The following AGAP1 variants were observed in gnomAD, a reference collection of about 807,000 sequenced individuals.
AGAP1 encodes the protein ArfGAP with GTPase domain, ankyrin repeat and PH domain 1, also known as arf-GAP with GTPase, ANK repeat and PH domain-containing protein 1.
A neutral mutation model predicts 105.3 loss-of-function variants in AGAP1; 29 were observed. The observed-to-expected ratio is 0.28, with a 90% confidence interval of 0.21 to 0.38. The LOEUF (loss-of-function observed/expected upper bound fraction) is 0.38, where lower values mean the gene tolerates loss of function less well. AGAP1 is among the 10% of genes least tolerant of loss of function. AGAP1 has a pLI of 1.00. For missense variants in AGAP1, 998 were observed against 1,165.1 expected (o/e 0.86, Z 2.09); for synonymous variants, 509 against 485.9 (o/e 1.05, Z -0.63).
In AGAP1 at chr2:236,105,588, C is replaced by G. The variant is rs1224949253; in HGVS notation, c.2115-14604C>G. Among the ~76,000 whole-genome samples the G allele has an allele frequency of 2.2e-5, 3 of 137,502 alleles. No homozygotes were observed. The highest frequency in any genetic ancestry group is 8.4e-5 in the African/African-American group (3 of 35,818). 90.2% of individuals were successfully genotyped at this position (137,502 alleles called of 152,430 possible). On this transcript the variant is annotated intron_variant, in intron 16 of 17. Coordinates refer to ENST00000304032, the MANE Select transcript of AGAP1 (RefSeq NM_001037131.3). This position sits in a 1 kb window ranked among gnomAD's most constrained non-coding sequence, Gnocchi z 4.2. ...TTTTTTTTTTTGAGACACAGTCTCG[C>G]TCTGTCACCCAGGCTGCAGTGCAGT...
intron 9 of AGAP1, among the ~76,000 whole-genome samples, chr2:235,858,069 T>G (rs960181927): frequency 6.6e-6 from 1 of 152,238 alleles, no homozygotes; most frequent in African/African-American, 2.4e-5. Context: ...GTATCTTAAT[T>G]GCTAAAATCT....
Position 235,882,550 on chromosome 2 carries a change from GC to G in AGAP1, c.1051-793del. ...GGCTCTTAGCTCACTGCAACACTCT[GC>G]CTCCTGGGTTCAAGCAATTCCCCTG... is the stretch of plus-strand genomic sequence containing the variant. On this transcript the variant is annotated intron_variant, in intron 9 of 17. Transcript: ENST00000304032. The surrounding 1 kb of genome is among the most constrained non-coding windows in gnomAD (Gnocchi z 4.6). The G allele has an allele frequency of 1.1e-6, 1 of 876,330 alleles. No homozygotes were observed. The allele number at this position is 876,330 out of a possible 1,614,324, so 54.3% of individuals were successfully genotyped here.
intron 1 of AGAP1, among the ~76,000 whole-genome samples, chr2:235,605,108 C>T (rs1945883059): frequency 6.6e-6 from 1 of 152,104 alleles, no homozygotes; most frequent in African/African-American, 2.4e-5. Context: ...AAACTCCTGA[C>T]CTCAAGCGAT....
At chr2:235,822,239 T>C (rs1470833661) in intron 9 of AGAP1, among the ~76,000 whole-genome samples, 2 of 152,244 alleles carry the variant, frequency 1.3e-5, no homozygotes, top group Non-Finnish European at 2.9e-5. Context: ...TTCTGATAAA[T>C]GTGTACAGTC....
Position 236,045,642 on chromosome 2 carries a change from G to A in AGAP1, c.1892-3417G>A, listed in dbSNP as rs977370069. ...GCGGGGCCTGAAGCCAGGTGGAGGGGCAGGAGACAGTGCAGAGGTCTGAGT... is the reference window on the plus strand; with the variant it reads ...GCGGGGCCTGAAGCCAGGTGGAGGGACAGGAGACAGTGCAGAGGTCTGAGT... On this transcript the variant is annotated intron_variant, in intron 15 of 17. Coordinates refer to ENST00000304032, the MANE Select transcript of AGAP1 (RefSeq NM_001037131.3). This position sits in a 1 kb window ranked among gnomAD's most constrained non-coding sequence, Gnocchi z 6.9. Among the ~76,000 whole-genome samples, 2 of 152,252 alleles carry A rather than the reference G, an allele frequency of 1.3e-5. No homozygotes were observed. The highest frequency in any genetic ancestry group is 2.9e-5 in the Non-Finnish European group (2 of 68,038).
At chr2:235,773,353 C>T (rs1955607015) in intron 6 of AGAP1, among the ~76,000 whole-genome samples, 1 of 152,152 alleles carries the variant, frequency 6.6e-6, no homozygotes, top group Non-Finnish European at 1.5e-5. Flanking sequence ...GGCCTACGGT[C>T]AGTCTGATTG....
At chr2:235,652,867 G>A (rs1420772379) in intron 1 of AGAP1, among the ~76,000 whole-genome samples, 1 of 152,110 alleles carries the variant, frequency 6.6e-6, no homozygotes, top group East Asian at 1.9e-4. Flanking sequence ...TACTCAGGAG[G>A]CTGAGGCAGG....
At chr2:235,955,554 C>T (rs1285916359) in intron 12 of AGAP1, among the ~76,000 whole-genome samples, 2 of 152,196 alleles carry the variant, frequency 1.3e-5, no homozygotes, top group Non-Finnish European at 2.9e-5. Context: ...TTCTAAGCAG[C>T]TGGGAACTGA....
At position 236,112,457 on chromosome 2, in the gene AGAP1, A is replaced by T. The variant is rs1045072242; in HGVS notation, c.2115-7735A>T. 4.0e-5 allele frequency among the ~76,000 whole-genome samples: 6 copies of T among 149,714 alleles called. No homozygotes were observed. In the South Asian group the frequency reaches 8.4e-4, roughly 21 times the overall value. On this transcript the variant is annotated intron_variant, in intron 16 of 17. Transcript: ENST00000304032. Reference sequence around the variant, plus strand: ...AACGAAAGAAAAGCTCTCTCTCCCCACAACCCTGACTTGCACATTTTCTTC... The same window carrying T: ...AACGAAAGAAAAGCTCTCTCTCCCCTCAACCCTGACTTGCACATTTTCTTC...
At chr2:235,767,570 T>G (rs942593075) in intron 6 of AGAP1, among the ~76,000 whole-genome samples, 1 of 151,710 alleles carries the variant, frequency 6.6e-6, no homozygotes, top group African/African-American at 2.4e-5. Context: ...ATGACGGGAG[T>G]TGATCATTTT....
rs1949737565 is a variant in AGAP1 at position 235,691,583 on chromosome 2, G to T, written c.164-17596G>T. ...GATAGCCGTGGTCATTTGTGGATGT[G>T]AGCACAGCCAGGTCCCATGTTGACA... On this transcript the variant is annotated intron_variant, in intron 1 of 17. Coordinates refer to ENST00000304032, the MANE Select transcript of AGAP1 (RefSeq NM_001037131.3). This position sits in a 1 kb window ranked among gnomAD's most constrained non-coding sequence, Gnocchi z 4.4. Among the ~76,000 whole-genome samples the T allele has an allele frequency of 6.6e-6, 1 of 152,210 alleles. No homozygotes were observed. The highest frequency in any genetic ancestry group is 2.4e-5 in the African/African-American group (1 of 41,454).
intron 1 of AGAP1, among the ~76,000 whole-genome samples, chr2:235,641,479 A>T (rs369024849): frequency 6.6e-6 from 1 of 151,408 alleles, no homozygotes; most frequent in East Asian, 1.9e-4. Context: ...TTGCATTCCA[A>T]GGCAGCACTT....
chr2:235,563,790 A>C (rs1267896451), intron 1 of AGAP1, among the ~76,000 whole-genome samples: 1 of 152,160 alleles, frequency 6.6e-6, no homozygotes, highest in Non-Finnish European at 1.5e-5. Context: ...TATGCTAGGC[A>C]CTGTGCTGGC....
At chr2:235,797,179 C>T (rs929277513) in intron 6 of AGAP1, among the ~76,000 whole-genome samples, 2 of 152,024 alleles carry the variant, frequency 1.3e-5, no homozygotes, top group East Asian at 3.9e-4. Flanking sequence ...TTAAATTGCC[C>T]TGCCTTATTT....
chr2:235,604,488 A>AT (rs1488542141), intron 1 of AGAP1, among the ~76,000 whole-genome samples: 2 of 148,650 alleles, frequency 1.3e-5, no homozygotes, highest in Non-Finnish European at 3.0e-5. Flanking sequence ...TATCAAAATA[A>AT]AAAAAAAAAA....
chr2:235,562,015 A>G (rs1944169571), intron 1 of AGAP1, among the ~76,000 whole-genome samples: 2 of 152,232 alleles, frequency 1.3e-5, no homozygotes, highest in Non-Finnish European at 2.9e-5. Flanking sequence ...CAAAATAGCA[A>G]AAACACACAT....
rs1000972102 is a variant in AGAP1 at position 236,046,283 on chromosome 2, G to A, written c.1892-2776G>A. Among the ~76,000 whole-genome samples the A allele has an allele frequency of 7.2e-5, 11 of 152,142 alleles. No individual in the cohort carries two copies. Among genetic ancestry groups the A allele is most frequent in the South Asian group, 6.2e-4 (3 of 4,826 alleles). On this transcript the variant is annotated intron_variant, in intron 15 of 17. Transcript: ENST00000304032. This position sits in a 1 kb window ranked among gnomAD's most constrained non-coding sequence, Gnocchi z 5.2. Reference sequence around the variant, plus strand: ...GCAGGAGAGGTGCTAGGTTTTGAGCGGTGGTGTGACATGATCAGAGATGCC... The same window carrying A: ...GCAGGAGAGGTGCTAGGTTTTGAGCAGTGGTGTGACATGATCAGAGATGCC...
At position 235,566,365 on chromosome 2, in the gene AGAP1, G is replaced by A. The variant is rs1440284649; in HGVS notation, c.163+71516G>A. On this transcript the variant is annotated intron_variant, in intron 1 of 17. Transcript: ENST00000304032. The surrounding 1 kb of genome is among the most constrained non-coding windows in gnomAD (Gnocchi z 5.2). ...ATTACAGATATAAGCCATCACGCCC[G>A]GCCTTGTATTATTTTTCAATGCATT... 1.3e-5 allele frequency among the ~76,000 whole-genome samples: 2 copies of A among 152,116 alleles called. No individual in the cohort carries two copies. The highest frequency in any genetic ancestry group is 2.1e-4 in the South Asian group (1 of 4,822).
chr2:235,768,869 C>T (rs1016182559), intron 6 of AGAP1, among the ~76,000 whole-genome samples: 1 of 152,210 alleles, frequency 6.6e-6, no homozygotes, highest in African/African-American at 2.4e-5. Context: ...CTTCCTCTCT[C>T]TGATTCATCG....
Sources: allele counts gnomAD v4.1 joint callset (sites outside exome capture counted in the v4.1 genomes callset), GRCh38; gene constraint gnomAD v4.1.1; non-coding constraint Gnocchi (gnomAD v3.1); transcripts MANE v1.5; gene names NCBI Gene and HGNC (gene_info 2026-07-23, HGNC 2026-07-21).